The following ACYP2 variants were observed in gnomAD, a reference collection of about 807,000 sequenced individuals.
The protein encoded by ACYP2 is acylphosphatase 2.
ACYP2 carries 12 observed loss-of-function variants against 11.2 expected under a neutral mutation model. That is an observed-to-expected ratio of 1.08 (90% CI 0.69 to 1.74). The LOEUF (loss-of-function observed/expected upper bound fraction) is 1.74, where lower values mean the gene tolerates loss of function less well. Ranked by LOEUF, ACYP2 falls within the 40% of genes most tolerant of loss-of-function variation. The probability of loss-of-function intolerance (pLI) is 0.00; values close to 1 mark genes in which losing one functional copy is unlikely to be tolerated. For synonymous variants in ACYP2, 43 were observed against 32.2 expected, an observed-to-expected ratio of 1.33 and a Z score of -1.13; for missense variants, 134 against 101.9, an observed-to-expected ratio of 1.31 and a Z score of -1.35.
chr2:54,281,821 C>CT (rs1210459026), intron 6 of ACYP2, among the ~76,000 whole-genome samples: 4 of 152,082 alleles, frequency 2.6e-5, no homozygotes, highest in Non-Finnish European at 4.4e-5. Flanking sequence ...CTAAGTTTTG[C>CT]TTTTTTTCCA....
chr2:54,010,677 C>T (rs1164874638), intron 2 of ACYP2, among the ~76,000 whole-genome samples: 1 of 149,160 alleles, frequency 6.7e-6, no homozygotes, highest in African/African-American at 2.5e-5. Flanking sequence ...TCAAAGGAAA[C>T]TATGTAATCC....
In ACYP2 at chr2:54,071,662, T is replaced by G. The variant is rs190692476; in HGVS notation, c.277+14302T>G. On this transcript the variant is annotated intron_variant, in intron 4 of 6. Coordinates refer to ENST00000607452, the MANE Select transcript of ACYP2 (RefSeq NM_001320586.2). The stretch of plus-strand genomic sequence containing the variant: ...TTGACAAGACAGGGTTTCACCATGT[T>G]GCCCAGGTTGGTCTAAGATCAATTG... Among the ~76,000 whole-genome samples, 14 of 152,256 alleles carry G rather than the reference T, an allele frequency of 9.2e-5. No homozygotes were observed. In the East Asian group the frequency reaches 2.5e-3, roughly 27 times the overall value.
rs374100435 is a variant in ACYP2, at chr2:54,108,872, T to C, written c.278-26581T>C. Among the ~76,000 whole-genome samples, 147 of 152,360 alleles carry C rather than the reference T, an allele frequency of 9.6e-4. 1 individual carries two copies. In the South Asian group the frequency reaches 0.011, roughly 12 times the overall value. ...ACTCAATGCTAATTATAATGATATT[T>C]TCCTTTACTTTTCCTTACTTCTAGA... On this transcript the variant is annotated intron_variant, in intron 4 of 6. Coordinates refer to ENST00000607452, the MANE Select transcript of ACYP2 (RefSeq NM_001320586.2).
intron 6 of ACYP2, among the ~76,000 whole-genome samples, chr2:54,219,911 T>A (rs1193281017): frequency 2.2e-5 from 3 of 135,796 alleles, no homozygotes; most frequent in African/African-American, 5.4e-5. Context: ...ATATATTTTT[T>A]TTTTTTTTTT....
chr2:54,272,073 T>A (rs965326986), intron 6 of ACYP2, among the ~76,000 whole-genome samples: 3 of 152,194 alleles, frequency 2.0e-5, no homozygotes, highest in Admixed American at 6.5e-5. Flanking sequence ...AAGCACCTTC[T>A]TTTCATGGAT....
chr2:54,154,477 A>C (rs933354617), intron 6 of ACYP2, among the ~76,000 whole-genome samples: 3 of 152,130 alleles, frequency 2.0e-5, no homozygotes, highest in African/African-American at 7.2e-5. Context: ...CTAATTTATT[A>C]GTGAAAGGAT....
intron 4 of ACYP2, among the ~76,000 whole-genome samples, chr2:54,067,812 T>G (rs1424991130): frequency 1.3e-5 from 2 of 152,208 alleles, no homozygotes; most frequent in African/African-American, 2.4e-5. Flanking sequence ...TAATTATCAG[T>G]TCAGTGACTC....
intron 6 of ACYP2, among the ~76,000 whole-genome samples, chr2:54,241,554 GT>G (rs376884673): frequency 8.0e-5 from 12 of 150,220 alleles, no homozygotes; most frequent in Non-Finnish European, 1.2e-4. Context: ...AAGTTTTGCA[GT>G]TTTTTTTTTC....
chr2:54,036,916 C>G (rs1409059745), intron 2 of ACYP2, among the ~76,000 whole-genome samples: 1 of 152,052 alleles, frequency 6.6e-6, no homozygotes, highest in African/African-American at 2.4e-5. Flanking sequence ...CTGGATGATG[C>G]CTTGACTGCT....
intron 4 of ACYP2, chr2:54,115,746 A>G (rs1432909549): frequency 1.2e-5 from 19 of 1,612,646 alleles, no homozygotes; most frequent in Non-Finnish European, 1.5e-5. Flanking sequence ...AGGTGTTCGG[A>G]AGAGTGCAGG....
At chr2:54,197,584 G>A (rs1684545450) in intron 6 of ACYP2, among the ~76,000 whole-genome samples, 1 of 152,192 alleles carries the variant, frequency 6.6e-6, no homozygotes, top group African/African-American at 2.4e-5. Context: ...CTTAGATGGG[G>A]TGGCCAGGAT....
At chr2:53,983,210 G>C (rs1329339178) in intron 2 of ACYP2, among the ~76,000 whole-genome samples, 1 of 152,046 alleles carries the variant, frequency 6.6e-6, no homozygotes, top group Non-Finnish European at 1.5e-5. Context: ...AAATGATTCA[G>C]CTAAGAAAAT....
chr2:54,195,798 T>TTTTTTTTG (rs1390137528), intron 6 of ACYP2, among the ~76,000 whole-genome samples: 1 of 135,042 alleles, frequency 7.4e-6, no homozygotes, highest in Non-Finnish European at 1.6e-5. Context: ...TTGTGGGTTT[T>TTTTTTTTG]TTTTTTTTTT....
At chr2:54,300,073 C>T (rs904115102) in intron 6 of ACYP2, among the ~76,000 whole-genome samples, 4 of 152,182 alleles carry the variant, frequency 2.6e-5, no homozygotes, top group African/African-American at 7.2e-5. Flanking sequence ...CATGTGAATG[C>T]CTCTCCCTAT....
chr2:54,237,938 C>T (rs552777024), intron 6 of ACYP2, among the ~76,000 whole-genome samples: 6 of 152,216 alleles, frequency 3.9e-5, no homozygotes, highest in Admixed American at 2.0e-4. Flanking sequence ...CCCTGCCGTA[C>T]TCTCGTTACT....
intron 6 of ACYP2, among the ~76,000 whole-genome samples, chr2:54,274,625 CAAAAAAAAAAAAAAAAA>C (rs70944155): frequency 2.7e-5 from 1 of 37,674 alleles, no homozygotes; most frequent in Non-Finnish European, 4.5e-5. Flanking sequence ...GACTCCATCT[CAAAAAAAAAAAAAAAAA>C]AAAAAAAAAA....
chr2:54,016,276 A>T (rs1673678484), intron 2 of ACYP2, among the ~76,000 whole-genome samples: 1 of 152,060 alleles, frequency 6.6e-6, no homozygotes, highest in Non-Finnish European at 1.5e-5. Flanking sequence ...CATAAAAAAA[A>T]TATGTAGCCT....
At chr2:54,046,374 G>T (rs1558492735) in intron 2 of ACYP2, among the ~76,000 whole-genome samples, 2 of 151,706 alleles carry the variant, frequency 1.3e-5, no homozygotes, top group Non-Finnish European at 2.9e-5. Flanking sequence ...AGCTACTCAG[G>T]AGGCTGAGGC....
chr2:54,089,482 C>T (rs1465601520), intron 4 of ACYP2, among the ~76,000 whole-genome samples: 1 of 152,046 alleles, frequency 6.6e-6, no homozygotes, highest in African/African-American at 2.4e-5. Context: ...TGCAGTGGCT[C>T]ACTCTCGTAA....
Sources: allele counts gnomAD v4.1 joint callset (sites outside exome capture counted in the v4.1 genomes callset), GRCh38; gene constraint gnomAD v4.1.1; transcripts MANE v1.5; gene names NCBI Gene and HGNC (gene_info 2026-07-23, HGNC 2026-07-21).